RALGPS1: variants seen among roughly 807,000 people sequenced by gnomAD.
RALGPS1 encodes ras-specific guanine nucleotide-releasing factor RalGPS1.
In RALGPS1, 19 loss-of-function variants were observed where a neutral mutation model predicts 78.8. That is an observed-to-expected ratio of 0.24 (90% CI 0.17 to 0.35). RALGPS1 has a LOEUF of 0.35. Ranked by LOEUF, RALGPS1 falls within the 10% of genes least tolerant of loss-of-function variation. The probability of loss-of-function intolerance (pLI) is 1.00; values close to 1 mark genes in which losing one functional copy is unlikely to be tolerated. For missense variants in RALGPS1, 454 were observed against 688.3 expected (o/e 0.66, Z 3.81); for synonymous variants, 228 against 256.3 (o/e 0.89, Z 1.06).
intron 8 of RALGPS1, among the ~76,000 whole-genome samples, chr9:127,124,402 T>C (rs1399882254): frequency 2.0e-5 from 3 of 152,186 alleles, no homozygotes; most frequent in Admixed American, 6.5e-5. Context: ...TGCCTGTAGA[T>C]GATCCCAGCC....
intron 14 of RALGPS1, among the ~76,000 whole-genome samples, chr9:127,201,935 A>T (rs2061654586): frequency 6.6e-6 from 1 of 152,180 alleles, no homozygotes; most frequent in Admixed American, 6.5e-5. Context: ...GAGGCCGTGG[A>T]GCCAGAGCCA....
intron 8 of RALGPS1, among the ~76,000 whole-genome samples, chr9:127,147,171 GTCT>G (rs992958655): frequency 1.3e-4 from 20 of 152,302 alleles, no homozygotes; most frequent in Non-Finnish European, 2.5e-4. Context: ...CTGCTTGTAT[GTCT>G]TCTTTTGAGA....
intron 11 of RALGPS1, among the ~76,000 whole-genome samples, chr9:127,177,148 A>G (rs1229726812): frequency 2.1e-5 from 3 of 140,714 alleles, no homozygotes; most frequent in Non-Finnish European, 3.1e-5. Flanking sequence ...TAGATGCTCA[A>G]TTTTCGTAGG....
chr9:126,957,655 A>G (rs1039377497), intron 1 of RALGPS1, among the ~76,000 whole-genome samples: 2 of 152,126 alleles, frequency 1.3e-5, no homozygotes, highest in African/African-American at 4.8e-5. Context: ...GAATCTTGAG[A>G]TGGATTTACT....
chr9:127,206,955 A>G (rs902707106), intron 14 of RALGPS1, among the ~76,000 whole-genome samples: 5 of 151,948 alleles, frequency 3.3e-5, no homozygotes, highest in Non-Finnish European at 5.9e-5. Flanking sequence ...TGGGCAAGTG[A>G]CTCTACGTCT....
chr9:126,952,656 AGT>A (rs1281535322), intron 1 of RALGPS1, among the ~76,000 whole-genome samples: 19 of 138,896 alleles, frequency 1.4e-4, no homozygotes, highest in African/African-American at 3.9e-4. Context: ...AGAGAGAGAG[AGT>A]GTGTGTGTGT....
intron 8 of RALGPS1, among the ~76,000 whole-genome samples, chr9:127,140,623 A>G (rs1412046546): frequency 3.3e-5 from 5 of 152,242 alleles, no homozygotes; most frequent in Non-Finnish European, 7.3e-5. Context: ...CCTAAATCCT[A>G]AGAGCAGTTA....
chr9:126,993,248 A>G (rs911064657), intron 4 of RALGPS1, among the ~76,000 whole-genome samples: 1 of 152,166 alleles, frequency 6.6e-6, no homozygotes, highest in Admixed American at 6.5e-5. Context: ...TGAATTAATT[A>G]TCTTTTTTGT....
intron 1 of RALGPS1, among the ~76,000 whole-genome samples, chr9:126,936,849 C>CTT (rs35671235): frequency 5.6e-5 from 8 of 142,520 alleles, no homozygotes; most frequent in African/African-American, 1.0e-4. Context: ...GGAACGGCAC[C>CTT]TTTTTTTTTT....
At chr9:126,969,072 G>A (rs2039834558) in intron 3 of RALGPS1, among the ~76,000 whole-genome samples, 1 of 151,904 alleles carries the variant, frequency 6.6e-6, no homozygotes, top group African/African-American at 2.4e-5. Flanking sequence ...AAAATTTCTA[G>A]TAACTACATT....
chr9:127,185,131 C>G (rs1444526750), intron 11 of RALGPS1, among the ~76,000 whole-genome samples: 4 of 152,170 alleles, frequency 2.6e-5, no homozygotes, highest in Non-Finnish European at 5.9e-5. Flanking sequence ...ACGGTCACCC[C>G]AAGTCCCCCT....
intron 8 of RALGPS1, among the ~76,000 whole-genome samples, chr9:127,128,893 G>C (rs2056816284): frequency 6.6e-6 from 1 of 152,192 alleles, no homozygotes; most frequent in Non-Finnish European, 1.5e-5. Flanking sequence ...GGCCAAACAA[G>C]TATATCCAAA....
chr9:127,100,705 T>C (rs979311849), intron 8 of RALGPS1, among the ~76,000 whole-genome samples: 1 of 152,172 alleles, frequency 6.6e-6, no homozygotes, highest in African/African-American at 2.4e-5. Flanking sequence ...GGTGCTGTCC[T>C]GCAGGCACAT....
chr9:127,086,456 T>C (rs1380307437), intron 8 of RALGPS1, among the ~76,000 whole-genome samples: 1 of 152,196 alleles, frequency 6.6e-6, no homozygotes, highest in African/African-American at 2.4e-5. Flanking sequence ...TTATAGCACC[T>C]CTCTGATTAC....
chr9:127,014,876 T>C (rs1042146774), intron 4 of RALGPS1, among the ~76,000 whole-genome samples: 1 of 152,188 alleles, frequency 6.6e-6, no homozygotes, highest in African/African-American at 2.4e-5. Context: ...GAGATGAGGC[T>C]CTGGAGTCTG....
At chr9:127,120,134 C>T (rs1342502141) in intron 8 of RALGPS1, among the ~76,000 whole-genome samples, 1 of 152,208 alleles carries the variant, frequency 6.6e-6, no homozygotes, top group South Asian at 2.1e-4. Flanking sequence ...CTTGCCTCTT[C>T]CTCTGCAACT....
chr9:127,185,192 T>C (rs1315769603), intron 11 of RALGPS1, among the ~76,000 whole-genome samples: 1 of 152,098 alleles, frequency 6.6e-6, no homozygotes, highest in Non-Finnish European at 1.5e-5. Flanking sequence ...ATCTGGTTGC[T>C]CTCCAACCAA....
At chr9:127,180,897 C>CGG (rs962636537) in intron 11 of RALGPS1, among the ~76,000 whole-genome samples, 2 of 152,216 alleles carry the variant, frequency 1.3e-5, no homozygotes, top group Non-Finnish European at 2.9e-5. Context: ...GAGCTACAAG[C>CGG]GGGGGGCGCA....
chr9:127,071,236 A>G (rs536117392), intron 8 of RALGPS1, among the ~76,000 whole-genome samples: 53 of 151,632 alleles, frequency 3.5e-4, no homozygotes, highest in South Asian at 6.3e-4. Context: ...AGGTTTGTCT[A>G]TTGGTCTTTC....
Sources: gnomAD v4.1 joint callset for allele counts (sites outside exome capture counted in the v4.1 genomes callset) on GRCh38, gnomAD v4.1.1 for gene constraint, MANE v1.5 for transcripts, NCBI Gene and HGNC (gene_info 2026-07-23, HGNC 2026-07-21) for gene names.